The following RAPGEF2 variants were observed in gnomAD, a reference collection of about 807,000 sequenced individuals.
RAPGEF2 encodes the protein Rap guanine nucleotide exchange factor 2, also known as PDZ domain containing guanine nucleotide exchange factor (GEF) 1.
RAPGEF2 carries 54 observed loss-of-function variants against 186.7 expected under a neutral mutation model. The observed-to-expected ratio is 0.29, with a 90% confidence interval of 0.23 to 0.36. The LOEUF (loss-of-function observed/expected upper bound fraction) is 0.36, where lower values mean the gene tolerates loss of function less well. Among genes scored for constraint, RAPGEF2 ranks in the 10% least tolerant of loss-of-function variants. The pLI is 1.00. For missense variants in RAPGEF2, 1,532 were observed against 2,045.0 expected, an observed-to-expected ratio of 0.75 and a Z score of 4.84; for synonymous variants, 712 against 705.9, an observed-to-expected ratio of 1.01 and a Z score of -0.14.
At chr4:159,300,203 A>G (rs570883294) in intron 7 of RAPGEF2, among the ~76,000 whole-genome samples, 1 of 142,746 alleles carries the variant, frequency 7.0e-6, no homozygotes, top group African/African-American at 2.5e-5. Flanking sequence ...TAAAATTAAT[A>G]TAATCTGATT....
intron 4 of RAPGEF2, among the ~76,000 whole-genome samples, chr4:159,238,149 A>T (rs1336502776): frequency 6.6e-6 from 1 of 152,206 alleles, no homozygotes; most frequent in African/African-American, 2.4e-5. Context: ...GAAACAATAC[A>T]TCTTCACCAT....
At position 159,317,722 on chromosome 4, in the gene RAPGEF2, T is replaced by G. The variant is rs1764771966; in HGVS notation, c.853+2954T>G. 2.6e-5 allele frequency among the ~76,000 whole-genome samples: 4 copies of G among 152,346 alleles called. No individual in the cohort carries two copies. The South Asian group carries it at 8.3e-4, about 32-fold the overall frequency. ...TTTGCCCTTGCCAATTTCTTTCTTT[T>G]TAATCCCCTGTAGTTTTAAAGAAGT... is the stretch of plus-strand genomic sequence containing the variant. On this transcript the variant is annotated intron_variant, in intron 9 of 29. Coordinates refer to ENST00000691494, the MANE Select transcript of RAPGEF2 (RefSeq NM_001394067.2).
chr4:159,164,211 A>C (rs1221850810), intron 1 of RAPGEF2, among the ~76,000 whole-genome samples: 1 of 151,206 alleles, frequency 6.6e-6, no homozygotes, highest in East Asian at 1.9e-4. Context: ...TCACCGTGTT[A>C]GCCAGGATGG....
intron 29 of RAPGEF2, among the ~76,000 whole-genome samples, chr4:159,356,450 T>G (rs1047879553): frequency 2.6e-5 from 4 of 152,084 alleles, no homozygotes; most frequent in East Asian, 1.9e-4. Flanking sequence ...TCACTAAAAT[T>G]TGATTGCTTT....
At chr4:159,289,556 C>T (rs542567053) in intron 7 of RAPGEF2, among the ~76,000 whole-genome samples, 35 of 152,232 alleles carry the variant, frequency 2.3e-4, no homozygotes, top group Middle Eastern at 3.4e-3. Context: ...TCAATATCTT[C>T]TACTTTAAAC....
intron 7 of RAPGEF2, among the ~76,000 whole-genome samples, chr4:159,258,492 A>G (rs565059691): frequency 3.9e-5 from 6 of 152,212 alleles, no homozygotes; most frequent in African/African-American, 7.2e-5. Flanking sequence ...GGCAGGCACA[A>G]TTCTATTTCT....
intron 1 of RAPGEF2, among the ~76,000 whole-genome samples, chr4:159,162,611 T>C (rs1451095534): frequency 1.3e-5 from 2 of 152,080 alleles, no homozygotes; most frequent in African/African-American, 4.8e-5. Flanking sequence ...AAATAGAACC[T>C]AAGGGTTTTG....
At chr4:159,250,384 A>G (rs915418617) in intron 7 of RAPGEF2, among the ~76,000 whole-genome samples, 1 of 152,222 alleles carries the variant, frequency 6.6e-6, no homozygotes, top group African/African-American at 2.4e-5. Context: ...CATTTGAAAT[A>G]GCTGGCCTAG....
At chr4:159,268,008 G>A (rs1415355354) in intron 7 of RAPGEF2, 40 of 1,441,868 alleles carry the variant, frequency 2.8e-5, no homozygotes, top group Non-Finnish European at 3.4e-5. Flanking sequence ...AAGCTTACCA[G>A]TAGTGACACT....
At chr4:159,268,163 C>G in intron 7 of RAPGEF2, 3 of 1,613,056 alleles carry the variant, frequency 1.9e-6, no homozygotes, top group Non-Finnish European at 2.5e-6. Context: ...ATTATGAAAC[C>G]ACTAGCAATC....
At chr4:159,252,885 A>G (rs1327630607) in intron 7 of RAPGEF2, among the ~76,000 whole-genome samples, 2 of 152,270 alleles carry the variant, frequency 1.3e-5, no homozygotes, top group South Asian at 2.1e-4. Context: ...AAAGTTTTAA[A>G]TATGTATCCA....
At chr4:159,268,199 A>C (rs1196369562) in intron 7 of RAPGEF2, 4 of 1,603,694 alleles carry the variant, frequency 2.5e-6, no homozygotes, top group Non-Finnish European at 3.4e-6. Flanking sequence ...GTTATGGGCC[A>C]GCAGGAGAAA....
At chr4:159,123,572 T>A (rs1211716296) in intron 1 of RAPGEF2, among the ~76,000 whole-genome samples, 2 of 151,214 alleles carry the variant, frequency 1.3e-5, no homozygotes, top group Non-Finnish European at 3.0e-5. Context: ...GGAGTCTTGT[T>A]CTGTCGCCCA....
intron 1 of RAPGEF2, among the ~76,000 whole-genome samples, chr4:159,179,703 G>A (rs1746815827): frequency 1.3e-5 from 2 of 152,186 alleles, no homozygotes. Context: ...AGTGAAGGAG[G>A]AGAAATAGGA....
At chr4:159,181,472 C>CAGAT (rs1746999656) in intron 1 of RAPGEF2, among the ~76,000 whole-genome samples, 1 of 151,724 alleles carries the variant, frequency 6.6e-6, no homozygotes, top group Non-Finnish European at 1.5e-5. Flanking sequence ...AGGCCTTGGG[C>CAGAT]AGATTATGAC....
At chr4:159,208,939 G>A (rs535738986) in intron 3 of RAPGEF2, among the ~76,000 whole-genome samples, 1 of 151,644 alleles carries the variant, frequency 6.6e-6, no homozygotes, top group African/African-American at 2.4e-5. Context: ...CACCCAGGCT[G>A]GAGTGCAGTA....
At chr4:159,130,949 A>G (rs1051977406) in intron 1 of RAPGEF2, among the ~76,000 whole-genome samples, 5 of 152,178 alleles carry the variant, frequency 3.3e-5, no homozygotes, top group South Asian at 4.1e-4. Flanking sequence ...GGCTCAAGCA[A>G]TCTGCCCAAA....
chr4:159,352,005 T>C (rs1292656364), intron 26 of RAPGEF2, among the ~76,000 whole-genome samples: 1 of 152,218 alleles, frequency 6.6e-6, no homozygotes, highest in African/African-American at 2.4e-5. Flanking sequence ...AAATTATTTT[T>C]AGTAGCAAAA....
chr4:159,330,287 GTGTGTGTGTA>G (rs1165355813), intron 12 of RAPGEF2, 37 bp from the exon 13 acceptor site: 8 of 924,226 alleles, frequency 8.7e-6, no homozygotes, highest in African/African-American at 1.7e-5. Context: ...GTGTGTGTGT[GTGTGTGTGTA>G]TATATATGTA....
Sources: allele counts gnomAD v4.1 joint callset (sites outside exome capture counted in the v4.1 genomes callset), GRCh38; gene constraint gnomAD v4.1.1; transcripts MANE v1.5; gene names NCBI Gene and HGNC (gene_info 2026-07-23, HGNC 2026-07-21).